WDFY4: variants seen among roughly 807,000 people sequenced by gnomAD.
WDFY4 encodes WD repeat- and FYVE domain-containing protein 4.
A neutral mutation model predicts 351.9 loss-of-function variants in WDFY4; 169 were observed. The observed-to-expected ratio is 0.48, with a 90% CI of 0.42 to 0.55. The LOEUF (loss-of-function observed/expected upper bound fraction) is 0.55, where lower values mean the gene tolerates loss of function less well. Among genes scored for constraint, WDFY4 ranks in the 20% least tolerant of loss-of-function variants. The probability of loss-of-function intolerance (pLI) is 0.00; values close to 1 mark genes in which losing one functional copy is unlikely to be tolerated. For missense variants in WDFY4, 3,803 were observed against 3,935.6 expected (o/e 0.97, Z 0.90); for synonymous variants, 1,622 against 1,574.6 (o/e 1.03, Z -0.71).
chr10:48,756,651 G>T (rs914832612), intron 12 of WDFY4, among the ~76,000 whole-genome samples: 5 of 152,004 alleles, frequency 3.3e-5, no homozygotes, highest in African/African-American at 1.2e-4. Context: ...AATTTACTGA[G>T]AATTTCTTTT....
intron 39 of WDFY4, among the ~76,000 whole-genome samples, chr10:48,836,583 T>G (rs1039511599): frequency 5.3e-5 from 8 of 152,240 alleles, no homozygotes; most frequent in Non-Finnish European, 1.0e-4. Context: ...AATTCATAAT[T>G]CCTCTTACCT....
At chr10:48,734,572 A>G (rs2064585958) in intron 10 of WDFY4, among the ~76,000 whole-genome samples, 1 of 151,386 alleles carries the variant, frequency 6.6e-6, no homozygotes, top group Admixed American at 6.6e-5. Flanking sequence ...ACATCATATC[A>G]GTGGGTTTGG....
rs1565198607 is a variant in WDFY4 at position 48,787,903 on chromosome 10, C to CT, written c.3809-625dup. Among the ~76,000 whole-genome samples, 247 of 29,068 alleles carry CT rather than the reference C, an allele frequency of 8.5e-3. 9 individuals carry two copies. Among genetic ancestry groups the CT allele is most frequent in the East Asian group, 0.021 (26 of 1,258 alleles). 19.1% of individuals were successfully genotyped at this position (29,068 alleles called of 152,430 possible). A position where few individuals can be genotyped will look rare whatever the true frequency, so the allele number is the denominator to read the frequency against. ...CTTTCTTCTTCTTCTCCTTCTTCTT[C>CT]TTCTTCTTCTTCTTCTTCTTCTTCT... On this transcript the variant is annotated intron_variant, in intron 20 of 61. Coordinates refer to ENST00000325239, the MANE Select transcript of WDFY4 (RefSeq NM_001394531.1).
chr10:48,689,462 C>T (rs1185337333), intron 1 of WDFY4, among the ~76,000 whole-genome samples: 1 of 152,164 alleles, frequency 6.6e-6, no homozygotes, highest in African/African-American at 2.4e-5. Flanking sequence ...TTATAAAATA[C>T]CTCAGTACCT....
At chr10:48,975,451 G>T (rs1003343999) in intron 58 of WDFY4, among the ~76,000 whole-genome samples, 1 of 152,194 alleles carries the variant, frequency 6.6e-6, no homozygotes, top group Non-Finnish European at 1.5e-5. Context: ...CAAAGACCAG[G>T]GAGATCGACT....
rs1242547464 is a variant in WDFY4, at chr10:48,943,394, A to G, written c.7694A>G (p.Asn2565Ser). Residue 2565 changes from asparagine (N) to serine (S), a missense_variant, in exon 49 of 62, where the codon AAT becomes AGT. Asn to Ser is a conservative substitution (Grantham distance 46). Coordinates refer to ENST00000325239, the MANE Select transcript of WDFY4 (RefSeq NM_001394531.1). Reference protein sequence around the residue: ...YLNTAAGRTCNDYMQYPVFPW... With the variant: ...YLNTAAGRTCSDYMQYPVFPW... ...AACACCGCGGCTGGGAGAACCTGCA[A>G]TGACTACATGCAGTACCCAGTGTTC... 5 of 1,551,690 alleles carry G rather than the reference A, an allele frequency of 3.2e-6. No homozygotes were observed. The African/African-American group carries it at 5.5e-5, about 17-fold the overall frequency.
intron 47 of WDFY4, chr10:48,913,406 G>A: frequency 3.1e-6 from 5 of 1,611,738 alleles, no homozygotes; most frequent in Non-Finnish European, 4.2e-6. Context: ...AGTCTTCCCA[G>A]GAGTCCTTGG....
At chr10:48,886,599 C>A (rs1300533697) in intron 43 of WDFY4, among the ~76,000 whole-genome samples, 1 of 152,126 alleles carries the variant, frequency 6.6e-6, no homozygotes, top group Non-Finnish European at 1.5e-5. Context: ...ATGGGGTGAC[C>A]CTCACTAGAT....
At chr10:48,859,644 T>A (rs2069264879) in intron 39 of WDFY4, among the ~76,000 whole-genome samples, 1 of 152,212 alleles carries the variant, frequency 6.6e-6, no homozygotes, top group African/African-American at 2.4e-5. Flanking sequence ...TTGCAGCTAT[T>A]CGTGAACAAA....
chr10:48,730,973 A>T, intron 8 of WDFY4, 137 bp from the exon 9 acceptor site: 1 of 1,023,048 alleles, frequency 9.8e-7, no homozygotes, highest in Non-Finnish European at 1.4e-6. Flanking sequence ...GCTTTTCTGG[A>T]CTTCTGATGG....
At chr10:48,789,499 C>T (rs910916380) in intron 21 of WDFY4, among the ~76,000 whole-genome samples, 33 of 152,288 alleles carry the variant, frequency 2.2e-4, no homozygotes, top group African/African-American at 7.7e-4. Context: ...AGATTGGGCT[C>T]CCAGAGCCTG....
chr10:48,950,529 C>T (rs1841272949), intron 51 of WDFY4, among the ~76,000 whole-genome samples: 1 of 152,178 alleles, frequency 6.6e-6, no homozygotes, highest in Non-Finnish European at 1.5e-5. Context: ...TGAGAGGCTG[C>T]TGTGATTAAT....
intron 32 of WDFY4, among the ~76,000 whole-genome samples, chr10:48,817,672 C>CATT (rs1208542580): frequency 5.3e-5 from 8 of 152,212 alleles, no homozygotes; most frequent in African/African-American, 1.9e-4. Flanking sequence ...AGATAAAGTC[C>CATT]ATTGTCTGTG....
chr10:48,754,671 C>T (rs977282933), intron 12 of WDFY4, among the ~76,000 whole-genome samples: 2 of 152,078 alleles, frequency 1.3e-5, no homozygotes, highest in African/African-American at 2.4e-5. Context: ...CTTCCCCTCA[C>T]ACCCAGGTCA....
chr10:48,788,779 T>C, intron 21 of WDFY4, 104 bp downstream of exon 21: 2 of 1,405,354 alleles, frequency 1.4e-6, no homozygotes, highest in Non-Finnish European at 1.9e-6. Context: ...TGCACTTGTG[T>C]AGATGGATAC....
intron 30 of WDFY4, among the ~76,000 whole-genome samples, chr10:48,813,391 T>C (rs543130152): frequency 4.2e-4 from 64 of 152,372 alleles, no homozygotes; most frequent in African/African-American, 1.5e-3. Context: ...GAAACAGATG[T>C]CTGCTAAGTG....
chr10:48,903,930 G>C (rs962999334), intron 47 of WDFY4, among the ~76,000 whole-genome samples: 1 of 152,250 alleles, frequency 6.6e-6, no homozygotes, highest in Admixed American at 6.5e-5. Flanking sequence ...GACATGGGCA[G>C]AGCCAGCTGA....
At chr10:48,904,658 A>G (rs1169415340) in intron 47 of WDFY4, among the ~76,000 whole-genome samples, 1 of 152,212 alleles carries the variant, frequency 6.6e-6, no homozygotes, top group Non-Finnish European at 1.5e-5. Context: ...ACAGTCAATC[A>G]TGCAGGAATC....
At chr10:48,806,201 C>G (rs559039694) in intron 27 of WDFY4, 106 bp downstream of exon 27, 9 of 1,130,368 alleles carry the variant, frequency 8.0e-6, no homozygotes, top group East Asian at 2.6e-5. Flanking sequence ...GGGGAAGGCA[C>G]CCACAGCCAA....
Sources: gnomAD v4.1 joint callset for allele counts (sites outside exome capture counted in the v4.1 genomes callset) on GRCh38, gnomAD v4.1.1 for gene constraint, MANE v1.5 for transcripts, NCBI Gene and HGNC (gene_info 2026-07-23, HGNC 2026-07-21) for gene names.